DTX1: variants seen among roughly 807,000 people sequenced by gnomAD.
DTX1 encodes deltex E3 ubiquitin ligase 1.
DTX1 carries 26 observed loss-of-function variants against 57.8 expected under a neutral mutation model. That is an observed-to-expected ratio of 0.45 (90% CI 0.33 to 0.62). The LOEUF is 0.62. DTX1 is among the 20% of genes least tolerant of loss of function. DTX1 has a pLI of 0.02. For synonymous variants in DTX1, 398 were observed against 394.1 expected, an observed-to-expected ratio of 1.01 and a Z score of -0.12; for missense variants, 704 against 895.3, an observed-to-expected ratio of 0.79 and a Z score of 2.73.
chr12:113,094,091 C>A lies in DTX1; in HGVS notation c.1219C>A (p.Pro407Thr). ...RRYMQKVKNP[P>T]DEDCTICMER... ...ATACATGCAGAAGGTGAAAAACCCA[C>A]CTGATGAGGTGAGGAGGGGATGGGG... Residue 407 changes from proline to threonine, a missense_variant, in exon 6 of 10, where the codon CCT becomes ACT. By Grantham distance (38) the Pro-to-Thr change is conservative. Coordinates refer to ENST00000548759, the MANE Select transcript of DTX1 (RefSeq NM_004416.3). 9.0e-6 allele frequency: 14 copies of A among 1,556,922 alleles called. 1 individual carries two copies. The highest frequency in any genetic ancestry group is 1.1e-5 in the Non-Finnish European group (13 of 1,146,228).
At chr12:113,078,491 G>C (rs572780412) in intron 3 of DTX1, among the ~76,000 whole-genome samples, 2 of 152,322 alleles carry the variant, frequency 1.3e-5, no homozygotes, top group African/African-American at 4.8e-5. Flanking sequence ...CTGCCAAACA[G>C]TTCTACCATG....
chr12:113,058,725 C>G (rs2136421178), intron 2 of DTX1, among the ~76,000 whole-genome samples: 1 of 152,302 alleles, frequency 6.6e-6, no homozygotes. Flanking sequence ...ATATCTCTCA[C>G]AGCTGAGTGA....
rs1384202430 is a variant in DTX1 at position 113,094,893 on chromosome 12, TG to T, written c.1334del (p.Gly445AlafsTer157). On this transcript the variant is annotated frameshift_variant, in exon 7 of 10. Coordinates refer to ENST00000548759, the MANE Select transcript of DTX1 (RefSeq NM_004416.3). LOFTEE classifies it high-confidence loss of function. ...PELVGRLGRC[G>X]HMYHLLCLVA... ...AGCTCGTGGGCCGCCTGGGCCGCTG[TG>T]GCCACATGTACCACCTGCTGTGCCT... 9 of 1,613,694 alleles carry T rather than the reference TG, an allele frequency of 5.6e-6. No homozygotes were observed. Among genetic ancestry groups the T allele is most frequent in the Non-Finnish European group, 7.6e-6 (9 of 1,179,982 alleles).
chr12:113,090,569 CA>C (rs1322173569), intron 3 of DTX1, among the ~76,000 whole-genome samples: 1 of 152,188 alleles, frequency 6.6e-6, no homozygotes, highest in Non-Finnish European at 1.5e-5. Flanking sequence ...CTCCACTGAC[CA>C]GGTCCTGGGG....
At chr12:113,061,693 TA>T (rs1375745778) in intron 2 of DTX1, among the ~76,000 whole-genome samples, 1 of 128,326 alleles carries the variant, frequency 7.8e-6, no homozygotes, top group Non-Finnish European at 1.7e-5. Flanking sequence ...CAAAAGATCT[TA>T]AATCTTTTTT....
chr12:113,094,851 C>A lies in DTX1; in HGVS notation c.1290C>A (p.His430Gln). 6.2e-7 allele frequency: 1 copy of A among 1,613,828 alleles called. No individual in the cohort carries two copies. Among genetic ancestry groups the A allele is most frequent in the Non-Finnish European group, 8.5e-7 (1 of 1,180,008 alleles). ...TASGYEGVLR[H>Q]KGVRPELVGR... Reference sequence around the variant, plus strand: ...CAGGCTACGAGGGCGTGCTTCGGCACAAGGGCGTGCGGCCTGAGCTCGTGG... The same window carrying A: ...CAGGCTACGAGGGCGTGCTTCGGCAAAAGGGCGTGCGGCCTGAGCTCGTGG... Residue 430 changes from histidine to glutamine, a missense_variant, in exon 7 of 10, where the codon CAC (histidine) becomes CAA (glutamine). Coordinates refer to ENST00000548759, the MANE Select transcript of DTX1 (RefSeq NM_004416.3).
chr12:113,057,572 T>TC lies in DTX1; in HGVS notation c.-616dup, dbSNP rs753984479. 4 of 138,720 alleles carry TC rather than the reference T, an allele frequency of 2.9e-5. No individual in the cohort carries two copies. Among genetic ancestry groups the TC allele is most frequent in the Non-Finnish European group, 4.7e-5 (3 of 63,988 alleles). The allele number at this position is 138,720 out of a possible 1,614,324, so 8.6% of individuals were successfully genotyped here. ...CGCCCGAGGGTCCACGCCGCACCCC[T>TC]CCCCCGTGCGTTCTGCGGCCACCCA... On this transcript the variant is annotated 5_prime_UTR_variant, in exon 2 of 10. Transcript: ENST00000548759.
chr12:113,077,974 G>C lies in DTX1; in HGVS notation c.810G>C (p.Ala270=), dbSNP rs2044785708. Residue 270 remains alanine, a synonymous_variant, in exon 3 of 10, where the codon GCG becomes GCC. Transcript: ENST00000548759. The surrounding 1 kb of genome is among the most constrained non-coding windows in gnomAD (Gnocchi z 7.8). The stretch of plus-strand genomic sequence containing the variant: ...CCGCCGCCGGCCCCGCCGAGCCCGC[G>C]CCGCCTCCCGGGGCGCCCCCACGGA... ...AAPAAGPAEP[A]PPPGAPPRSP... is the part of the protein sequence containing the mutation. 2 of 1,019,216 alleles carry C rather than the reference G, an allele frequency of 2.0e-6. No individual in the cohort carries two copies. The highest frequency in any genetic ancestry group is 8.9e-5 in the South Asian group (2 of 22,460). The allele number at this position is 1,019,216 out of a possible 1,614,324, so 63.1% of individuals were successfully genotyped here. A position where few individuals can be genotyped will look rare whatever the true frequency, so the allele number is the denominator to read the frequency against.
intron 2 of DTX1, among the ~76,000 whole-genome samples, chr12:113,061,459 A>G (rs977955751): frequency 1.3e-5 from 2 of 152,174 alleles, no homozygotes; most frequent in Non-Finnish European, 2.9e-5. Flanking sequence ...CGCACTGGAA[A>G]AGAGCCTCAA....
Position 113,077,917 on chromosome 12 carries a change from C to A in DTX1, c.753C>A (p.Ala251=). ...PPGALAVRPS[A]TFTGAALWAA... is the part of the protein sequence containing the mutation. ...GCGCGCTTGCCGTGCGCCCCAGCGC[C>A]ACCTTCACAGGCGCCGCGCTCTGGG... Residue 251 remains alanine (A), a synonymous_variant, in exon 3 of 10, where the codon GCC becomes GCA. Coordinates refer to ENST00000548759, the MANE Select transcript of DTX1 (RefSeq NM_004416.3). This position sits in a 1 kb window ranked among gnomAD's most constrained non-coding sequence, Gnocchi z 7.8. The A allele has an allele frequency of 8.4e-7, 1 of 1,191,352 alleles. No individual in the cohort carries two copies. The highest frequency in any genetic ancestry group is 1.6e-5 in the African/African-American group (1 of 61,640). The allele number at this position is 1,191,352 out of a possible 1,614,324, so 73.8% of individuals were successfully genotyped here. A position where few individuals can be genotyped will look rare whatever the true frequency, so the allele number is the denominator to read the frequency against.
intron 2 of DTX1, among the ~76,000 whole-genome samples, chr12:113,065,503 TC>T (rs1160092388): frequency 2.6e-5 from 4 of 151,986 alleles, no homozygotes; most frequent in African/African-American, 7.2e-5. Flanking sequence ...TCCCTCTCCT[TC>T]TCCTCCCCTC....
rs536832706 is a variant in DTX1, at chr12:113,064,098, C to T, written c.259+5647C>T. Among the ~76,000 whole-genome samples the T allele has an allele frequency of 3.9e-5, 6 of 152,324 alleles. No individual in the cohort carries two copies. The South Asian group carries it at 1.2e-3, about 32-fold the overall frequency. Reference sequence around the variant, plus strand: ...AGGGTCTAGCCCAAGGCAGGGACAGCCTGCACTACCCTGGAGGCCTCCAGG... The same window carrying T: ...AGGGTCTAGCCCAAGGCAGGGACAGTCTGCACTACCCTGGAGGCCTCCAGG... On this transcript the variant is annotated intron_variant, in intron 2 of 9. Coordinates refer to ENST00000548759, the MANE Select transcript of DTX1 (RefSeq NM_004416.3).
chr12:113,095,411 G>A lies in DTX1; in HGVS notation c.1635G>A (p.Arg545=), dbSNP rs771449972. 7.4e-6 allele frequency: 12 copies of A among 1,614,190 alleles called. No homozygotes were observed. In the South Asian group the frequency reaches 1.2e-4, roughly 16 times the overall value. Reference sequence around the variant, plus strand: ...ATCTACCCAACAACGAGAAAGGCCGGAAGGTGGGTGCCCAGCCGTGAGGGC... The same window carrying A: ...ATCTACCCAACAACGAGAAAGGCCGAAAGGTGGGTGCCCAGCCGTGAGGGC... ...HCYLPNNEKG[R]KVLRLLITAW... The change falls in exon 9 of 10, where the codon CGG becomes CGA. Residue 545 remains arginine, a synonymous_variant. Transcript: ENST00000548759.
intron 3 of DTX1, among the ~76,000 whole-genome samples, chr12:113,083,621 C>T (rs1202760082): frequency 6.6e-6 from 1 of 152,236 alleles, no homozygotes; most frequent in Non-Finnish European, 1.5e-5. Context: ...CCACTGCGCC[C>T]GGCCAATTTG....
chr12:113,079,645 A>C (rs956141073), intron 3 of DTX1, among the ~76,000 whole-genome samples: 4 of 144,302 alleles, frequency 2.8e-5, no homozygotes, highest in African/African-American at 7.9e-5. Flanking sequence ...CTTCTGCCTC[A>C]GTCTTCTGAG....
At chr12:113,095,452 A>G in intron 9 of DTX1, 38 bp downstream of exon 9, 1 of 1,612,886 alleles carries the variant, frequency 6.2e-7, no homozygotes, top group Non-Finnish European at 8.5e-7. Context: ...AGATAGGCAC[A>G]GGCAGGGGCT....
In DTX1 at chr12:113,093,719, G is replaced by C; in HGVS notation, c.1165+19G>C. On this transcript the variant is annotated intron_variant, in intron 5 of 9. Transcript: ENST00000548759. This position sits in a 1 kb window ranked among gnomAD's most constrained non-coding sequence, Gnocchi z 4.2. ...AAAAAGAGTACGCCCTCCACGCCCT[G>C]CCTCACACGAGATGAACCCCACTAA... 1 of 1,611,654 alleles carries C rather than the reference G, an allele frequency of 6.2e-7. No individual in the cohort carries two copies. Among genetic ancestry groups the C allele is most frequent in the Non-Finnish European group, 8.5e-7 (1 of 1,178,648 alleles).
chr12:113,063,597 C>T (rs2044681020), intron 2 of DTX1, among the ~76,000 whole-genome samples: 1 of 152,222 alleles, frequency 6.6e-6, no homozygotes, highest in African/African-American at 2.4e-5. Context: ...CGAGGGATGC[C>T]AGCTGGGGAC....
intron 2 of DTX1, among the ~76,000 whole-genome samples, chr12:113,063,104 G>A (rs925458516): frequency 2.0e-5 from 3 of 152,212 alleles, no homozygotes; most frequent in Non-Finnish European, 2.9e-5. Context: ...TTCCCTCAAA[G>A]CTTTCTTTCT....
Sources: gnomAD v4.1 joint callset for allele counts (sites outside exome capture counted in the v4.1 genomes callset) on GRCh38, gnomAD v4.1.1 for gene constraint, Gnocchi (gnomAD v3.1) non-coding constraint, MANE v1.5 for transcripts, NCBI Gene and HGNC (gene_info 2026-07-23, HGNC 2026-07-21) for gene names.